ANO4: variants seen among roughly 807,000 people sequenced by gnomAD.
The protein encoded by ANO4 is anoctamin-4.
ANO4 carries 69 observed loss-of-function variants against 141.9 expected under a neutral mutation model. That is an observed-to-expected ratio of 0.49 (90% CI 0.40 to 0.59). The LOEUF is 0.59. ANO4 is among the 20% of genes least tolerant of loss of function. ANO4 has a pLI of 0.00. For synonymous variants in ANO4, 350 were observed against 394.3 expected, an observed-to-expected ratio of 0.89 and a Z score of 1.33; for missense variants, 894 against 1,162.2, an observed-to-expected ratio of 0.77 and a Z score of 3.36.
At chr12:100,962,442 C>G (rs2043464780) in intron 5 of ANO4, among the ~76,000 whole-genome samples, 1 of 152,252 alleles carries the variant, frequency 6.6e-6, no homozygotes, top group Non-Finnish European at 1.5e-5. Flanking sequence ...GAGATTACTT[C>G]AAACTTCAAG....
At chr12:100,876,545 G>A (rs1054227629) in intron 1 of ANO4, among the ~76,000 whole-genome samples, 1 of 152,202 alleles carries the variant, frequency 6.6e-6, no homozygotes, top group Non-Finnish European at 1.5e-5. Flanking sequence ...ATTCAGGAGA[G>A]AGGGAGAAAC....
At chr12:100,926,880 T>A (rs1481397352) in intron 3 of ANO4, among the ~76,000 whole-genome samples, 1 of 152,044 alleles carries the variant, frequency 6.6e-6, no homozygotes, top group Non-Finnish European at 1.5e-5. Context: ...AGGGAGGGAA[T>A]GGCTATGTTG....
intron 14 of ANO4, among the ~76,000 whole-genome samples, chr12:101,064,679 A>C (rs1814638886): frequency 6.7e-6 from 1 of 150,120 alleles, no homozygotes; most frequent in Non-Finnish European, 1.5e-5. Context: ...AATAATAATA[A>C]TAATAATAAT....
intron 16 of ANO4, among the ~76,000 whole-genome samples, chr12:101,084,063 G>A (rs1265530776): frequency 1.3e-5 from 2 of 152,180 alleles, no homozygotes; most frequent in East Asian, 3.9e-4. Context: ...TAAGAGCTGA[G>A]ACCCTCTAAT....
At chr12:100,808,777 A>G (rs1190775539) in intron 1 of ANO4, among the ~76,000 whole-genome samples, 2 of 152,110 alleles carry the variant, frequency 1.3e-5, no homozygotes, top group African/African-American at 2.4e-5. Flanking sequence ...TAATTGATTC[A>G]TTTTTTCTTT....
intron 1 of ANO4, among the ~76,000 whole-genome samples, chr12:100,876,144 A>G (rs1270732688): frequency 1.3e-5 from 2 of 152,110 alleles, no homozygotes; most frequent in Non-Finnish European, 2.9e-5. Context: ...GCCAGGCCCT[A>G]CAAATTATGT....
At chr12:100,937,524 G>A (rs2042333439) in intron 3 of ANO4, among the ~76,000 whole-genome samples, 1 of 152,176 alleles carries the variant, frequency 6.6e-6, no homozygotes, top group African/African-American at 2.4e-5. Flanking sequence ...ACCTAGCACA[G>A]TACCTGGCAC....
intron 8 of ANO4, among the ~76,000 whole-genome samples, chr12:101,004,764 G>T (rs2045801842): frequency 6.6e-6 from 1 of 152,118 alleles, no homozygotes. Flanking sequence ...AAATTTTAAT[G>T]TCCTTCTTTA....
In ANO4 at chr12:100,798,944, A is replaced by G. The variant is rs573316623; in HGVS notation, c.-141+3917A>G. ...ATAGAAAGCAGACATAATGTAATAC[A>G]GTAGGAATTCAGTTACTTACATCTT... On this transcript the variant is annotated intron_variant, in intron 1 of 27. Transcript: ENST00000392977. 1.2e-4 allele frequency among the ~76,000 whole-genome samples: 18 copies of G among 152,356 alleles called. No individual in the cohort carries two copies. The South Asian group carries it at 3.7e-3, about 32-fold the overall frequency.
At chr12:100,871,932 G>T (rs1234069708) in intron 1 of ANO4, among the ~76,000 whole-genome samples, 1 of 152,124 alleles carries the variant, frequency 6.6e-6, no homozygotes, top group Non-Finnish European at 1.5e-5. Flanking sequence ...TAAACATTTA[G>T]TTTATAAAAA....
chr12:100,999,194 A>G, intron 8 of ANO4, among the ~76,000 whole-genome samples: 1 of 152,266 alleles, frequency 6.6e-6, no homozygotes, highest in East Asian at 1.9e-4. Flanking sequence ...AACATGGGTG[A>G]CACTGAGCTA....
intron 2 of ANO4, among the ~76,000 whole-genome samples, chr12:100,917,770 G>A (rs991159028): frequency 2.9e-4 from 44 of 152,126 alleles, no homozygotes; most frequent in Admixed American, 4.6e-4. Context: ...AGCAGAGACA[G>A]AAAAATATCT....
chr12:100,963,371 A>G (rs2043507041), intron 5 of ANO4, among the ~76,000 whole-genome samples: 1 of 152,146 alleles, frequency 6.6e-6, no homozygotes, highest in Admixed American at 6.5e-5. Flanking sequence ...GCAATTTCAC[A>G]CACACCAATT....
At chr12:100,977,899 A>T (rs2044276210) in intron 7 of ANO4, among the ~76,000 whole-genome samples, 3 of 152,208 alleles carry the variant, frequency 2.0e-5, no homozygotes, top group Admixed American at 1.3e-4. Context: ...TATTGAGCTC[A>T]TCGTTTCCAA....
intron 1 of ANO4, among the ~76,000 whole-genome samples, chr12:100,823,665 A>G (rs983694743): frequency 1.3e-5 from 2 of 151,978 alleles, no homozygotes; most frequent in Non-Finnish European, 2.9e-5. Flanking sequence ...CAGTAAATCT[A>G]TTTTTTTCAT....
At chr12:100,740,054 G>A (rs2031794982) in exon 3 of ANO4, 1 of 702,594 alleles carries the variant, frequency 1.4e-6, no homozygotes, top group Non-Finnish European at 2.6e-6. Context: ...TATCACTCCA[G>A]TGCCTTCTTA....
At chr12:100,959,430 C>T (rs1050962693) in intron 5 of ANO4, among the ~76,000 whole-genome samples, 1 of 152,200 alleles carries the variant, frequency 6.6e-6, no homozygotes, top group African/African-American at 2.4e-5. Context: ...CCTCTAATGA[C>T]CACTCCGTTT....
chr12:100,740,558 T>A (rs537978304), intron 3 of ANO4, among the ~76,000 whole-genome samples: 8 of 152,134 alleles, frequency 5.3e-5, no homozygotes, highest in Non-Finnish European at 1.2e-4. Context: ...TGACAAGATA[T>A]CTATCTTGGA....
chr12:100,955,844 T>G (rs2043154407), intron 5 of ANO4, among the ~76,000 whole-genome samples: 1 of 152,140 alleles, frequency 6.6e-6, no homozygotes, highest in Non-Finnish European at 1.5e-5. Context: ...GCATTCCAGA[T>G]GGGAAACAAC....
Sources: gnomAD v4.1 joint callset for allele counts (sites outside exome capture counted in the v4.1 genomes callset) on GRCh38, gnomAD v4.1.1 for gene constraint, MANE v1.5 for transcripts, NCBI Gene and HGNC (gene_info 2026-07-23, HGNC 2026-07-21) for gene names.